The following TRPM3 variants were observed in gnomAD, a reference collection of about 807,000 sequenced individuals.
TRPM3 encodes the protein transient receptor potential cation channel subfamily M member 3.
In TRPM3, 77 loss-of-function variants were observed where a neutral mutation model predicts 181.2. That is an observed-to-expected ratio of 0.42 (90% confidence interval 0.35 to 0.51). The LOEUF (loss-of-function observed/expected upper bound fraction) is 0.51, where lower values mean the gene tolerates loss of function less well. Among genes scored for constraint, TRPM3 ranks in the 20% least tolerant of loss-of-function variants. The pLI is 0.01. For missense variants in TRPM3, 1,759 were observed against 2,196.7 expected (o/e 0.80, Z 3.98); for synonymous variants, 745 against 796.4 (o/e 0.94, Z 1.09).
intron 1 of TRPM3, among the ~76,000 whole-genome samples, chr9:70,913,439 G>A (rs917766654): frequency 6.6e-6 from 1 of 152,052 alleles, no homozygotes; most frequent in African/African-American, 2.4e-5. Flanking sequence ...TGCCACAATT[G>A]AAAGAAGTTT....
chr9:71,279,593 T>C (rs1286719414), intron 1 of TRPM3, among the ~76,000 whole-genome samples: 1 of 152,110 alleles, frequency 6.6e-6, no homozygotes, highest in African/African-American at 2.4e-5. Context: ...TTAGGGACTC[T>C]ATGACAGCCT....
At chr9:70,807,389 T>C (rs1456820029) in intron 6 of TRPM3, among the ~76,000 whole-genome samples, 1 of 152,200 alleles carries the variant, frequency 6.6e-6, no homozygotes, top group African/African-American at 2.4e-5. Context: ...TGCCCATGAA[T>C]TGGAAGTATG....
chr9:71,402,622 T>C (rs1437505563), intron 1 of TRPM3, among the ~76,000 whole-genome samples: 1 of 152,208 alleles, frequency 6.6e-6, no homozygotes, highest in African/African-American at 2.4e-5. Context: ...TGATCCTATT[T>C]CTAAGAAATA....
At chr9:70,542,248 T>C (rs112216962) in intron 25 of TRPM3, among the ~76,000 whole-genome samples, 1 of 152,230 alleles carries the variant, frequency 6.6e-6, no homozygotes, top group African/African-American at 2.4e-5. Flanking sequence ...ATTTGTGGGA[T>C]AAAAATGGAG....
chr9:70,970,263 T>C (rs891786317), intron 1 of TRPM3, among the ~76,000 whole-genome samples: 3 of 152,126 alleles, frequency 2.0e-5, no homozygotes, highest in African/African-American at 7.2e-5. Context: ...TGAAAATAAA[T>C]GATGCCCCTT....
rs761379173 is a variant in TRPM3 at position 71,133,292 on chromosome 9, C to CTTTTTTTTTTTTTTTTTT, written c.184-268799_184-268782dup. ...CATTTGTAATTCTTCTAGCAAATTG[C>CTTTTTTTTTTTTTTTTTT]TTTTTTTTTTTTTTTTTTTGAGACA... On this transcript the variant is annotated intron_variant, in intron 1 of 24. Transcript: ENST00000357533. Among the ~76,000 whole-genome samples the CTTTTTTTTTTTTTTTTTT allele has an allele frequency of 8.7e-4, 63 of 72,330 alleles. 11 individuals carry two copies. The highest frequency in any genetic ancestry group is 1.5e-3 in the East Asian group (3 of 2,066). The allele number at this position is 72,330 out of a possible 152,430, so 47.5% of individuals were successfully genotyped here. A position where few individuals can be genotyped will look rare whatever the true frequency, so the allele number is the denominator to read the frequency against.
At chr9:71,230,551 C>T (rs1168106666) in intron 1 of TRPM3, among the ~76,000 whole-genome samples, 1 of 151,970 alleles carries the variant, frequency 6.6e-6, no homozygotes, top group Admixed American at 6.6e-5. Flanking sequence ...ACATTATATG[C>T]CTGTATTGAA....
chr9:70,592,650 C>T (rs956655415), intron 21 of TRPM3, among the ~76,000 whole-genome samples: 4 of 151,582 alleles, frequency 2.6e-5, no homozygotes, highest in South Asian at 2.1e-4. Flanking sequence ...TGAAGGGATG[C>T]CCATCCACAA....
chr9:70,994,185 C>T (rs991712585), intron 1 of TRPM3, among the ~76,000 whole-genome samples: 2 of 152,124 alleles, frequency 1.3e-5, no homozygotes, highest in African/African-American at 4.8e-5. Flanking sequence ...GAACAAGATA[C>T]CTAATCTCAA....
chr9:71,135,270 C>T (rs889050708), intron 1 of TRPM3, among the ~76,000 whole-genome samples: 2 of 152,202 alleles, frequency 1.3e-5, no homozygotes, highest in Non-Finnish European at 2.9e-5. Flanking sequence ...ATCCTTCCAT[C>T]TGTCACTTCC....
intron 8 of TRPM3, among the ~76,000 whole-genome samples, chr9:70,758,535 C>CA (rs1194470645): frequency 5.9e-5 from 9 of 152,090 alleles, no homozygotes; most frequent in African/African-American, 1.9e-4. Context: ...CAATCCTAAG[C>CA]AAAAAGAACA....
chr9:71,259,998 G>A (rs540119159), intron 1 of TRPM3, among the ~76,000 whole-genome samples: 5 of 152,188 alleles, frequency 3.3e-5, no homozygotes, highest in East Asian at 3.9e-4. Flanking sequence ...TCCTTCTAGG[G>A]TTTTTACGGT....
chr9:71,232,782 G>T (rs1390125698), intron 1 of TRPM3, among the ~76,000 whole-genome samples: 2 of 152,112 alleles, frequency 1.3e-5, no homozygotes, highest in Non-Finnish European at 2.9e-5. Context: ...ACAGGAGTGA[G>T]CCATCACACC....
chr9:70,612,868 C>T (rs184957791), intron 18 of TRPM3, among the ~76,000 whole-genome samples: 12 of 152,222 alleles, frequency 7.9e-5, no homozygotes, highest in East Asian at 7.7e-4. Flanking sequence ...ATGCTATTTG[C>T]GGACACAATG....
intron 1 of TRPM3, among the ~76,000 whole-genome samples, chr9:71,434,851 T>C (rs1355280459): frequency 6.6e-6 from 1 of 152,150 alleles, no homozygotes; most frequent in African/African-American, 2.4e-5. Context: ...TCTTTATTTA[T>C]GGAGCAAAGG....
rs143219293 is a variant in TRPM3, at chr9:70,553,228, C to T, written c.3306G>A (p.Pro1102=). 6.8e-4 allele frequency: 1,097 copies of T among 1,614,028 alleles called. 7 individuals are homozygous for T. In the African/African-American group the frequency reaches 0.012, roughly 17 times the overall value. Residue 1102 remains proline, a synonymous_variant, in exon 23 of 26, where the codon CCG becomes CCA. Transcript: ENST00000677713. ...PPCKTGAWIV[P]AIMACYLLVA... is the part of the protein sequence containing the mutation. ...CTAAGAGGTAGCAGGCCATGATGGCCGGCACGATCCAAGCTCCTGTCTTGC... is the reference window on the plus strand; with the variant it reads ...CTAAGAGGTAGCAGGCCATGATGGCTGGCACGATCCAAGCTCCTGTCTTGC...
Position 70,998,035 on chromosome 9 carries a change from T to C in TRPM3, c.177+123143A>G, listed in dbSNP as rs555181040. On this transcript the variant is annotated intron_variant, in intron 1 of 25. Coordinates refer to ENST00000677713, the MANE Select transcript of TRPM3 (RefSeq NM_001366145.2). The stretch of plus-strand genomic sequence containing the variant: ...CATATGCTTTCAAGACTGTTCCGAT[T>C]GTTCTCGGGTTATGGGTGTTGCTGA... Among the ~76,000 whole-genome samples, 13 of 151,938 alleles carry C rather than the reference T, an allele frequency of 8.6e-5. No homozygotes were observed. The East Asian group carries it at 2.3e-3, about 27-fold the overall frequency.
At chr9:70,620,834 C>T (rs1364012643) in intron 15 of TRPM3, among the ~76,000 whole-genome samples, 6 of 151,716 alleles carry the variant, frequency 4.0e-5, no homozygotes, top group African/African-American at 1.5e-4. Context: ...GTAGTTCTGG[C>T]CTTTAGACCT....
chr9:70,590,077 T>G (rs1248197338), intron 22 of TRPM3, among the ~76,000 whole-genome samples: 3 of 152,200 alleles, frequency 2.0e-5, no homozygotes, highest in Non-Finnish European at 4.4e-5. Context: ...TGAAAAATGT[T>G]AATTCAACAA....
Sources: allele counts gnomAD v4.1 joint callset (sites outside exome capture counted in the v4.1 genomes callset), GRCh38; gene constraint gnomAD v4.1.1; transcripts MANE v1.5; gene names NCBI Gene and HGNC (gene_info 2026-07-23, HGNC 2026-07-21).